MAF: variants seen among roughly 807,000 people sequenced by gnomAD.
The protein encoded by MAF is MAF bZIP transcription factor.
Under a neutral mutation model 22.0 loss-of-function variants are expected in MAF, and 10 were observed. That is an observed-to-expected ratio of 0.45 (90% CI 0.28 to 0.77). The LOEUF (loss-of-function observed/expected upper bound fraction) is 0.77, where lower values mean the gene tolerates loss of function less well. MAF is among the 30% of genes least tolerant of loss of function. The pLI is 0.12. For synonymous variants in MAF, 337 were observed against 255.8 expected (o/e 1.32, Z -3.03); for missense variants, 544 against 548.4 (o/e 0.99, Z 0.08).
chr16:79,215,098 T>A, the MAF span, among the ~76,000 whole-genome samples: 1 of 152,154 alleles, frequency 6.6e-6, no homozygotes, highest in Non-Finnish European at 1.5e-5. Flanking sequence ...CCAAGAAGTG[T>A]CAATCTGCTG....
At chr16:79,284,088 TCTC>T in the MAF span, among the ~76,000 whole-genome samples, 1 of 151,906 alleles carries the variant, frequency 6.6e-6, no homozygotes, top group African/African-American at 2.4e-5. Context: ...ATAAAGTTAA[TCTC>T]CTGATATTTG....
At chr16:79,283,177 G>T in the MAF span, among the ~76,000 whole-genome samples, 1 of 152,218 alleles carries the variant, frequency 6.6e-6, no homozygotes, top group South Asian at 2.1e-4. Context: ...TGGATAGATG[G>T]ACGGATGAAT....
chr16:79,367,989 C>G, the MAF span, among the ~76,000 whole-genome samples: 1 of 152,208 alleles, frequency 6.6e-6, no homozygotes, highest in East Asian at 1.9e-4. Context: ...TACGTCATCA[C>G]AAACTCCATT....
At chr16:79,585,897 A>G in exon 2 of MAF, 1 of 682,140 alleles carries the variant, frequency 1.5e-6, no homozygotes, top group East Asian at 2.7e-5. Context: ...ACTTCAGGCA[A>G]CTGGATTTTT....
At chr16:79,218,462 G>C in the MAF span, among the ~76,000 whole-genome samples, 1 of 152,154 alleles carries the variant, frequency 6.6e-6, no homozygotes, top group Non-Finnish European at 1.5e-5. Flanking sequence ...GTAGAGCGTA[G>C]AACTGGAGTT....
chr16:79,343,786 C>A, the MAF span, among the ~76,000 whole-genome samples: 1 of 152,178 alleles, frequency 6.6e-6, no homozygotes, highest in Admixed American at 6.5e-5. Context: ...TCTTTGGCAA[C>A]AGGTCTGAAA....
chr16:79,475,823 C>G, the MAF span, among the ~76,000 whole-genome samples: 1 of 152,242 alleles, frequency 6.6e-6, no homozygotes, highest in East Asian at 1.9e-4. Context: ...GGGTTTGTTA[C>G]ACTTGTTGCA....
At chr16:79,263,823 T>G in the MAF span, among the ~76,000 whole-genome samples, 1 of 152,306 alleles carries the variant, frequency 6.6e-6, no homozygotes, top group African/African-American at 2.4e-5. Flanking sequence ...GTTCTGCTCT[T>G]AAGCTGCAGA....
chr16:79,370,140 G>A, the MAF span, among the ~76,000 whole-genome samples: 5 of 152,100 alleles, frequency 3.3e-5, no homozygotes, highest in Non-Finnish European at 7.4e-5. Flanking sequence ...GAGGCTAATT[G>A]GCTAAAGTAT....
chr16:79,552,986 A>G, the MAF span, among the ~76,000 whole-genome samples: 2 of 152,234 alleles, frequency 1.3e-5, no homozygotes, highest in Non-Finnish European at 2.9e-5. Context: ...GTAAAATTGA[A>G]AAAACATGGA....
At chr16:79,259,122 G>A in the MAF span, among the ~76,000 whole-genome samples, 1 of 152,168 alleles carries the variant, frequency 6.6e-6, no homozygotes, top group African/African-American at 2.4e-5. Flanking sequence ...ACTCACCGAT[G>A]GCTTTCCATA....
chr16:79,211,822 C>G, the MAF span: 2 of 1,613,490 alleles, frequency 1.2e-6, no homozygotes, highest in South Asian at 1.1e-5. Flanking sequence ...GATGGGCACA[C>G]ACACCCGCCC....
the MAF span, among the ~76,000 whole-genome samples, chr16:79,388,992 A>G: frequency 4.6e-3 from 706 of 152,324 alleles, 2 homozygotes; most frequent in Non-Finnish European, 8.1e-3. Flanking sequence ...GGCCCTTATG[A>G]TGTGTTTCCA....
At chr16:79,566,292 A>T in the MAF span, among the ~76,000 whole-genome samples, 1 of 152,152 alleles carries the variant, frequency 6.6e-6, no homozygotes, top group Non-Finnish European at 1.5e-5. Context: ...TTTTAGACCA[A>T]TGTGGGACAG....
At chr16:79,471,585 G>A in the MAF span, among the ~76,000 whole-genome samples, 1 of 152,182 alleles carries the variant, frequency 6.6e-6, no homozygotes, top group Non-Finnish European at 1.5e-5. Context: ...GCTGAGGTAG[G>A]AGGATGGCTC....
chr16:79,488,243 A>G, the MAF span, among the ~76,000 whole-genome samples: 1 of 152,114 alleles, frequency 6.6e-6, no homozygotes, highest in African/African-American at 2.4e-5. Flanking sequence ...TTTTCCTCCA[A>G]TTAATGAAGA....
At chr16:79,237,918 A>G in the MAF span, among the ~76,000 whole-genome samples, 12,493 of 152,180 alleles carry the variant, frequency 0.082, 725 homozygotes, top group African/African-American at 0.16. Flanking sequence ...CCTGTGGCTC[A>G]GCATCCCATC....
chr16:79,275,674 C>G, the MAF span, among the ~76,000 whole-genome samples: 1 of 152,096 alleles, frequency 6.6e-6, no homozygotes, highest in Admixed American at 6.5e-5. Context: ...ATACATGCTG[C>G]TTTTTTTATT....
chr16:79,280,999 G>A, the MAF span, among the ~76,000 whole-genome samples: 1 of 152,142 alleles, frequency 6.6e-6, no homozygotes, highest in African/African-American at 2.4e-5. Context: ...GGGAGGGGAA[G>A]AAGCAAAGAT....
Sources: allele counts gnomAD v4.1 joint callset (sites outside exome capture counted in the v4.1 genomes callset), GRCh38; gene constraint gnomAD v4.1.1; transcripts MANE v1.5; gene names NCBI Gene and HGNC (gene_info 2026-07-23, HGNC 2026-07-21).